Variants in KANK1 observed in about 807,000 individuals in gnomAD.
KANK1 encodes the protein KN motif and ankyrin repeat domains 1, also known as KN motif and ankyrin repeat domain-containing protein 1.
In KANK1, 109 loss-of-function variants were observed where a neutral mutation model predicts 106.2. The ratio of observed to expected loss-of-function variants is 1.03; its 90% CI spans 0.88 to 1.20. The LOEUF (loss-of-function observed/expected upper bound fraction) is 1.20. Among genes scored for constraint, KANK1 ranks in the 50% most tolerant of loss-of-function variants. The pLI is 0.00. For synonymous variants in KANK1, 873 were observed against 652.2 expected, an observed-to-expected ratio of 1.34 and a Z score of -5.16; for missense variants, 2,399 against 1,710.7, an observed-to-expected ratio of 1.40 and a Z score of -7.10.
chr9:599,367 A>C (rs2135799249), intron 1 of KANK1, among the ~76,000 whole-genome samples: 1 of 151,936 alleles, frequency 6.6e-6, no homozygotes, highest in South Asian at 2.1e-4. Context: ...GGTTATTTTA[A>C]AATTCAAGGT....
chr9:537,031 G>A (rs2021846), intron 1 of KANK1, among the ~76,000 whole-genome samples: 18,787 of 152,150 alleles, frequency 0.12, 2,152 homozygotes, highest in East Asian at 0.32. Flanking sequence ...TTAGGACAAG[G>A]AAGCGAGAGA....
intron 2 of KANK1, among the ~76,000 whole-genome samples, chr9:678,011 A>G (rs763600762): frequency 2.0e-4 from 30 of 152,302 alleles, no homozygotes; most frequent in Non-Finnish European, 3.4e-4. Flanking sequence ...TTTGAAGACA[A>G]CAGCAGGAAG....
chr9:725,763 AG>A (rs1345288095), intron 3 of KANK1, among the ~76,000 whole-genome samples: 1 of 152,102 alleles, frequency 6.6e-6, no homozygotes, highest in Non-Finnish European at 1.5e-5. Context: ...AATAGAACTC[AG>A]AGCAGTTTTA....
intron 1 of KANK1, among the ~76,000 whole-genome samples, chr9:667,211 T>C (rs1033770572): frequency 2.0e-5 from 3 of 152,092 alleles, no homozygotes; most frequent in Admixed American, 2.0e-4. Flanking sequence ...GTCTTCTAGA[T>C]TTTTCAATTT....
intron 2 of KANK1, among the ~76,000 whole-genome samples, chr9:682,340 G>A (rs753851681): frequency 6.6e-6 from 1 of 151,586 alleles, no homozygotes; most frequent in Non-Finnish European, 1.5e-5. Context: ...CAGGAAACCA[G>A]AAGAGAAGAA....
At chr9:562,299 G>A (rs1816704833) in intron 1 of KANK1, among the ~76,000 whole-genome samples, 1 of 151,802 alleles carries the variant, frequency 6.6e-6, no homozygotes, top group East Asian at 1.9e-4. Flanking sequence ...TGATCCACCC[G>A]CCTCGGCCTC....
intron 1 of KANK1, among the ~76,000 whole-genome samples, chr9:551,274 A>G (rs2061266434): frequency 1.3e-5 from 2 of 151,792 alleles, no homozygotes; most frequent in South Asian, 4.2e-4. Flanking sequence ...CTTTTTGTCC[A>G]GATTGAGTAG....
intron 1 of KANK1, among the ~76,000 whole-genome samples, chr9:606,281 G>A (rs962455655): frequency 2.0e-5 from 3 of 149,138 alleles, no homozygotes; most frequent in South Asian, 4.2e-4. Flanking sequence ...GGGGTGGTGG[G>A]GGCGGTGGCT....
intron 3 of KANK1, among the ~76,000 whole-genome samples, chr9:724,217 T>G (rs10815530): frequency 2.0e-5 from 3 of 151,924 alleles, no homozygotes; most frequent in Non-Finnish European, 2.9e-5. Context: ...TTAGAGTTCT[T>G]TTAGGGACAT....
intron 1 of KANK1, among the ~76,000 whole-genome samples, chr9:553,640 A>G (rs78652864): frequency 0.042 from 6,409 of 152,282 alleles, 387 homozygotes; most frequent in East Asian, 0.23. Flanking sequence ...GTTTCCTTAT[A>G]AACTGTTGTA....
chr9:598,620 C>CTTTTTTTTTTTTTTTTTGTTTTT (rs1826846670), intron 1 of KANK1, among the ~76,000 whole-genome samples: 1 of 46,660 alleles, frequency 2.1e-5, no homozygotes, highest in Non-Finnish European at 4.3e-5. Context: ...TGTTGGTTTT[C>CTTTTTTTTTTTTTTTTTGTTTTT]TTTTTTTTTT....
rs141263800 is a variant in KANK1, at chr9:744,508, C to T, written c.3915C>T (p.Leu1305=). 1.2e-6 allele frequency: 2 copies of T among 1,614,070 alleles called. No individual in the cohort carries two copies. The highest frequency in any genetic ancestry group is 1.3e-5 in the African/African-American group (1 of 75,058). Residue 1305 remains leucine, a synonymous_variant, in exon 11 of 12, where the codon CTC becomes CTT. Transcript: ENST00000382297. ...ATCTTAAGGATGGCAGCACTGCGCTCTCAATCGCCCTGGAAGCAGGACACA... is the reference window on the plus strand; with the variant it reads ...ATCTTAAGGATGGCAGCACTGCGCTTTCAATCGCCCTGGAAGCAGGACACA... ...HLEDNDGSTA[L]SIALEAGHKD... is the part of the protein sequence containing the mutation.
intron 1 of KANK1, among the ~76,000 whole-genome samples, chr9:605,850 A>G (rs1828976071): frequency 6.6e-6 from 1 of 151,682 alleles, no homozygotes; most frequent in Non-Finnish European, 1.5e-5. Context: ...TTGAGCAGTG[A>G]TCAAGATGGG....
In KANK1 at chr9:621,914, GGTTT is replaced by G. The variant is rs1833232840; in HGVS notation, c.-83-54972_-83-54969del. ...TCCAAATGCTCCACCAAAGGGCTTT[GGTTT>G]GTTCTGGGGAGCCCTGGTGCTGCCG... On this transcript the variant is annotated intron_variant, in intron 1 of 11. Transcript: ENST00000382297. Among the ~76,000 whole-genome samples, 3 of 152,146 alleles carry G rather than the reference GGTTT, an allele frequency of 2.0e-5. 1 individual carries two copies. In the South Asian group the frequency reaches 6.2e-4, roughly 32 times the overall value.
intron 3 of KANK1, among the ~76,000 whole-genome samples, chr9:714,078 A>G (rs557590619): frequency 7.5e-6 from 1 of 133,034 alleles, no homozygotes; most frequent in East Asian, 3.1e-4. Context: ...CATTTCTAAA[A>G]AAATATGAAG....
chr9:566,655 CTTCTT>C (rs1563780038), intron 1 of KANK1, among the ~76,000 whole-genome samples: 1 of 152,090 alleles, frequency 6.6e-6, no homozygotes, highest in East Asian at 1.9e-4. Flanking sequence ...GCATGTGTGT[CTTCTT>C]TTGAAAGGTG....
chr9:631,402 T>C (rs1215843408), intron 1 of KANK1, among the ~76,000 whole-genome samples: 1 of 152,098 alleles, frequency 6.6e-6, no homozygotes, highest in African/African-American at 2.4e-5. Flanking sequence ...AGACTTCTCC[T>C]TTCATCTCCT....
intron 1 of KANK1, among the ~76,000 whole-genome samples, chr9:637,308 G>C (rs1458283626): frequency 6.6e-6 from 1 of 151,994 alleles, no homozygotes; most frequent in Non-Finnish European, 1.5e-5. Context: ...TTTTTCTCTG[G>C]CCTTTCATCA....
intron 2 of KANK1, among the ~76,000 whole-genome samples, chr9:690,141 A>AAAAC (rs1231386216): frequency 6.7e-6 from 1 of 148,166 alleles, no homozygotes; most frequent in Non-Finnish European, 1.5e-5. Flanking sequence ...TACAAAAAAA[A>AAAAC]AAAAAAAAAA....
Sources: gnomAD v4.1 joint callset for allele counts (sites outside exome capture counted in the v4.1 genomes callset) on GRCh38, gnomAD v4.1.1 for gene constraint, MANE v1.5 for transcripts, NCBI Gene and HGNC (gene_info 2026-07-23, HGNC 2026-07-21) for gene names.